PAK4: variants seen among roughly 807,000 people sequenced by gnomAD.
PAK4 encodes p21 (RAC1) activated kinase 4, also known as serine/threonine-protein kinase PAK 4.
In PAK4, 49 loss-of-function variants were observed where a neutral mutation model predicts 53.5. The ratio of observed to expected loss-of-function variants is 0.92; its 90% confidence interval spans 0.73 to 1.16. The LOEUF is 1.16. PAK4 is among the 50% of genes most tolerant of loss of function. PAK4 has a pLI of 0.00. For synonymous variants in PAK4, 376 were observed against 375.6 expected, an observed-to-expected ratio of 1.00 and a Z score of -0.01; for missense variants, 824 against 850.7, an observed-to-expected ratio of 0.97 and a Z score of 0.39.
Position 39,173,303 on chromosome 19 carries a change from C to A in PAK4, c.590C>A (p.Ala197Glu). 1 of 1,600,468 alleles carries A rather than the reference C, an allele frequency of 6.2e-7. No homozygotes were observed. The change falls in exon 3 of 9, where the codon GCG (alanine) becomes GAG (glutamate). Residue 197 changes from alanine (A) to glutamate (E), a missense_variant. Transcript: ENST00000358301. The surrounding 1 kb of genome is among the most constrained non-coding windows in gnomAD (Gnocchi z 6.9). Reference sequence around the variant, plus strand: ...CAGCCTGCTGGTCTGGCCAGTGGGGCGAAACTGGCAGCTGGCCGGCCCTTT... The same window carrying A: ...CAGCCTGCTGGTCTGGCCAGTGGGGAGAAACTGGCAGCTGGCCGGCCCTTT...
chr19:39,132,061 G>A (rs1417158597), intron 1 of PAK4, among the ~76,000 whole-genome samples: 1 of 152,176 alleles, frequency 6.6e-6, no homozygotes, highest in Non-Finnish European at 1.5e-5. Flanking sequence ...GTAGTGAGCT[G>A]TAATAACCCC....
intron 1 of PAK4, among the ~76,000 whole-genome samples, chr19:39,139,529 C>G (rs963414792): frequency 2.6e-5 from 4 of 152,152 alleles, no homozygotes; most frequent in Non-Finnish European, 5.9e-5. Context: ...CCAGGCCTGA[C>G]TTCATTCCTT....
intron 1 of PAK4, among the ~76,000 whole-genome samples, chr19:39,158,093 T>C (rs1190451759): frequency 6.6e-6 from 1 of 151,568 alleles, no homozygotes; most frequent in East Asian, 1.9e-4. Context: ...TGTGTGCATG[T>C]GTGTGCATGC....
At chr19:39,176,658 C>A in exon 7 of PAK4, 2 of 1,613,432 alleles carry the variant, frequency 1.2e-6, no homozygotes, top group Non-Finnish European at 1.7e-6. Flanking sequence ...AGTCGCTGGT[C>A]GGCACGCCCT....
At chr19:39,132,045 C>T (rs2073722129) in intron 1 of PAK4, among the ~76,000 whole-genome samples, 2 of 152,192 alleles carry the variant, frequency 1.3e-5, no homozygotes, top group African/African-American at 4.8e-5. Context: ...TCTGGGTTCT[C>T]ATCCCGTAGT....
chr19:39,175,973 C>T lies in PAK4; in HGVS notation c.1359+535C>T, dbSNP rs967729156. 1.3e-5 allele frequency among the ~76,000 whole-genome samples: 2 copies of T among 152,216 alleles called. No individual in the cohort carries two copies. Among genetic ancestry groups the T allele is most frequent in the Admixed American group, 6.5e-5 (1 of 15,284 alleles). ...TTAGTCCAGGCAGAGGCAGAGAGAGCTCTGTGTCACTGACAGTCTGAAAAT... is the reference window on the plus strand; with the variant it reads ...TTAGTCCAGGCAGAGGCAGAGAGAGTTCTGTGTCACTGACAGTCTGAAAAT... On this transcript the variant is annotated intron_variant, in intron 6 of 8. Transcript: ENST00000358301. The surrounding 1 kb of genome is among the most constrained non-coding windows in gnomAD (Gnocchi z 4.7).
At chr19:39,172,418 G>C (rs571424806) in intron 2 of PAK4, among the ~76,000 whole-genome samples, 4 of 152,194 alleles carry the variant, frequency 2.6e-5, no homozygotes, top group African/African-American at 9.6e-5. Context: ...TTTGGGACCA[G>C]GCCTTTCTGA....
intron 1 of PAK4, among the ~76,000 whole-genome samples, chr19:39,156,324 A>G (rs549514427): frequency 1.5e-4 from 21 of 139,044 alleles, no homozygotes; most frequent in African/African-American, 5.5e-4. Flanking sequence ...GGCCCCTGTC[A>G]CTCCCCAGCC....
At chr19:39,139,097 C>A (rs2073868445) in intron 1 of PAK4, among the ~76,000 whole-genome samples, 1 of 152,202 alleles carries the variant, frequency 6.6e-6, no homozygotes, top group Non-Finnish European at 1.5e-5. Context: ...CCTCCAGCAG[C>A]TTTGGCAGGG....
rs576109077 is a variant in PAK4 at position 39,163,278 on chromosome 19, G to C, written c.-22-6254G>C. Among the ~76,000 whole-genome samples the C allele has an allele frequency of 4.0e-4, 61 of 152,214 alleles. No individual in the cohort carries two copies. In the East Asian group the frequency reaches 7.3e-3, roughly 18 times the overall value. On this transcript the variant is annotated intron_variant, in intron 1 of 8. Coordinates refer to ENST00000358301, the Ensembl canonical transcript of PAK4. ...CTGATTCGAGTTTCATTTTGGTAAC[G>C]ATGAAAGGATGCCTGTGGTCCTGGC...
intron 1 of PAK4, among the ~76,000 whole-genome samples, chr19:39,150,705 C>T (rs138267051): frequency 0.011 from 1,613 of 152,096 alleles, 13 homozygotes; most frequent in Middle Eastern, 0.044. Context: ...GCCTGGACAA[C>T]GTAGTGAGAC....
At chr19:39,169,598 C>T in exon 2 of PAK4, 1 of 1,613,616 alleles carries the variant, frequency 6.2e-7, no homozygotes, top group South Asian at 1.1e-5. Flanking sequence ...CCGCGCCGTC[C>T]AACTTCGAGC....
intron 1 of PAK4, among the ~76,000 whole-genome samples, chr19:39,145,052 T>G (rs1348548440): frequency 1.3e-5 from 2 of 152,130 alleles, no homozygotes; most frequent in African/African-American, 4.8e-5. Context: ...AGCCCTCTCC[T>G]TCACCTGCCC....
At chr19:39,174,264 G>C (rs886489208) in intron 4 of PAK4, among the ~76,000 whole-genome samples, 2 of 151,722 alleles carry the variant, frequency 1.3e-5, no homozygotes, top group African/African-American at 4.8e-5. Context: ...CCCCGACCCA[G>C]TGTCTTCCAG....
chr19:39,178,623 C>T lies in PAK4; in HGVS notation c.*44C>T, dbSNP rs753563139. The T allele has an allele frequency of 1.3e-5, 20 of 1,521,078 alleles. No homozygotes were observed. Among genetic ancestry groups the T allele is most frequent in the Non-Finnish European group, 1.8e-5 (20 of 1,125,544 alleles). 94.2% of individuals were successfully genotyped at this position (1,521,078 alleles called of 1,614,324 possible). A position where few individuals can be genotyped will look rare whatever the true frequency, so the allele number is the denominator to read the frequency against. ...TCAACCAAAGAGCCCCCCGGGTCAC[C>T]CCCGCCCCACTGAGGCCAGTAGGGG... On this transcript the variant is annotated 3_prime_UTR_variant, in exon 9 of 9. Transcript: ENST00000358301. This position sits in a 1 kb window ranked among gnomAD's most constrained non-coding sequence, Gnocchi z 4.4.
At chr19:39,165,231 G>A (rs1193448967) in intron 1 of PAK4, among the ~76,000 whole-genome samples, 1 of 108,414 alleles carries the variant, frequency 9.2e-6, no homozygotes, top group Non-Finnish European at 2.0e-5. Flanking sequence ...GGCCGGGCGC[G>A]GTGGCTCACG....
Position 39,173,396 on chromosome 19 carries a change from A to G in PAK4, c.663+20A>G. On this transcript the variant is annotated intron_variant, in intron 3 of 8. Coordinates refer to ENST00000358301, the Ensembl canonical transcript of PAK4. This position sits in a 1 kb window ranked among gnomAD's most constrained non-coding sequence, Gnocchi z 6.9. ...GCCCAGGTAACCCATCCCCCGCCCC[A>G]GGGCCCCCACTGTCCCCTGCCCGTT... The G allele has an allele frequency of 6.8e-7, 1 of 1,470,250 alleles. No homozygotes were observed. The highest frequency in any genetic ancestry group is 9.0e-7 in the Non-Finnish European group (1 of 1,107,340). 91.1% of individuals were successfully genotyped at this position (1,470,250 alleles called of 1,614,324 possible).
intron 1 of PAK4, among the ~76,000 whole-genome samples, chr19:39,126,194 C>T (rs1245760948): frequency 6.6e-6 from 1 of 152,028 alleles, no homozygotes; most frequent in South Asian, 2.1e-4. Context: ...TCAAAAAAGG[C>T]AGGGTCAAAG....
chr19:39,172,980 T>G (rs757063787), exon 3 of PAK4: 1 of 1,549,932 alleles, frequency 6.5e-7, no homozygotes. Flanking sequence ...TGGACGAGTT[T>G]GAGAACATGT....
Sources: allele counts gnomAD v4.1 joint callset (sites outside exome capture counted in the v4.1 genomes callset), GRCh38; gene constraint gnomAD v4.1.1; non-coding constraint Gnocchi (gnomAD v3.1); transcripts MANE v1.5; gene names NCBI Gene and HGNC (gene_info 2026-07-23, HGNC 2026-07-21).